Variants in SH3RF1 observed in about 807,000 individuals in gnomAD.
SH3RF1 encodes E3 ubiquitin-protein ligase SH3RF1.
A neutral mutation model predicts 74.0 loss-of-function variants in SH3RF1; 32 were observed. The ratio of observed to expected loss-of-function variants is 0.43; its 90% CI spans 0.33 to 0.58. SH3RF1 has a LOEUF of 0.58. SH3RF1 is among the 20% of genes least tolerant of loss of function. SH3RF1 has a pLI of 0.05. For missense variants in SH3RF1, 954 were observed against 1,130.9 expected (o/e 0.84, Z 2.24); for synonymous variants, 396 against 439.6 (o/e 0.90, Z 1.24).
At chr4:169,164,324 G>C (rs896143127) in intron 2 of SH3RF1, among the ~76,000 whole-genome samples, 1 of 152,146 alleles carries the variant, frequency 6.6e-6, no homozygotes, top group Non-Finnish European at 1.5e-5. Flanking sequence ...GTGTGGATAG[G>C]TTAAGTGGAA....
chr4:169,121,127 G>T, intron 7 of SH3RF1, 138 bp from the exon 8 acceptor site: 1 of 707,462 alleles, frequency 1.4e-6, no homozygotes, highest in Non-Finnish European at 2.3e-6. Flanking sequence ...TCTATAAGTA[G>T]CACTGACAAT....
intron 2 of SH3RF1, among the ~76,000 whole-genome samples, chr4:169,206,767 T>C (rs538510260): frequency 6.6e-6 from 1 of 152,238 alleles, no homozygotes; most frequent in East Asian, 1.9e-4. Context: ...ACATGTAGCG[T>C]TGCATTCATT....
chr4:169,240,718 GA>G (rs1561062196), intron 2 of SH3RF1, among the ~76,000 whole-genome samples: 1 of 152,050 alleles, frequency 6.6e-6, no homozygotes, highest in African/African-American at 2.4e-5. Context: ...GAGAATATTT[GA>G]AATCTACTGG....
Position 169,248,950 on chromosome 4 carries a change from G to A in SH3RF1, c.393+19870C>T, listed in dbSNP as rs532777779. On this transcript the variant is annotated intron_variant, in intron 2 of 11. Coordinates refer to ENST00000284637, the MANE Select transcript of SH3RF1 (RefSeq NM_020870.4). ...GGGCCTTTAAGAGGCAATTAGGGAC[G>A]GGCCCAGTGGCTCACGCCTATAATC... is the stretch of plus-strand genomic sequence containing the variant. 2.6e-5 allele frequency among the ~76,000 whole-genome samples: 4 copies of A among 152,270 alleles called. No homozygotes were observed. The South Asian group carries it at 6.2e-4, about 24-fold the overall frequency.
intron 2 of SH3RF1, among the ~76,000 whole-genome samples, chr4:169,248,966 G>A (rs767471487): frequency 2.6e-5 from 4 of 152,188 alleles, no homozygotes; most frequent in East Asian, 1.9e-4. Flanking sequence ...AGTGGCTCAC[G>A]CCTATAATCC....
intron 10 of SH3RF1, among the ~76,000 whole-genome samples, chr4:169,110,589 A>C (rs1369545436): frequency 6.6e-6 from 1 of 152,046 alleles, no homozygotes; most frequent in Non-Finnish European, 1.5e-5. Flanking sequence ...ACATGATAAG[A>C]CCCTATCTCT....
intron 4 of SH3RF1, among the ~76,000 whole-genome samples, chr4:169,147,900 A>AG (rs1205483467): frequency 6.6e-6 from 1 of 152,190 alleles, no homozygotes; most frequent in African/African-American, 2.4e-5. Context: ...TGCTTATTAA[A>AG]GCTTTAGTTA....
In SH3RF1 at chr4:169,169,112, T is replaced by G. The variant is rs543413253; in HGVS notation, c.394-12433A>C. On this transcript the variant is annotated intron_variant, in intron 2 of 11. Coordinates refer to ENST00000284637, the MANE Select transcript of SH3RF1 (RefSeq NM_020870.4). ...AATACATAATATGTGCATATTACTG[T>G]TACTGTTCTTCAAAGGAGCATTCTT... Among the ~76,000 whole-genome samples, 7 of 152,304 alleles carry G rather than the reference T, an allele frequency of 4.6e-5. No individual in the cohort carries two copies. The South Asian group carries it at 1.5e-3, about 32-fold the overall frequency.
intron 2 of SH3RF1, among the ~76,000 whole-genome samples, chr4:169,265,596 C>T (rs1386669943): frequency 6.6e-6 from 1 of 152,120 alleles, no homozygotes; most frequent in Non-Finnish European, 1.5e-5. Context: ...GCCTTGGCCT[C>T]CTGAGTAGCT....
At chr4:169,155,702 T>G (rs1734038493) in intron 3 of SH3RF1, 127 bp from the exon 4 acceptor site, 2 of 693,004 alleles carry the variant, frequency 2.9e-6, no homozygotes, top group South Asian at 1.8e-5. Flanking sequence ...TGCTATGACA[T>G]ATCTTTAGTA....
intron 2 of SH3RF1, among the ~76,000 whole-genome samples, chr4:169,158,810 A>T (rs922239397): frequency 1.3e-5 from 2 of 152,242 alleles, no homozygotes; most frequent in Non-Finnish European, 1.5e-5. Flanking sequence ...ACAATTTTCA[A>T]AAATTAGTTT....
intron 1 of SH3RF1, among the ~76,000 whole-genome samples, chr4:169,269,540 C>T (rs1731410359): frequency 6.6e-6 from 1 of 152,154 alleles, no homozygotes; most frequent in African/African-American, 2.4e-5. Flanking sequence ...ATTCACTGGG[C>T]AAACACAAGG....
rs182954019 is a variant in SH3RF1, at chr4:169,174,100, G to A, written c.394-17421C>T. On this transcript the variant is annotated intron_variant, in intron 2 of 11. Transcript: ENST00000284637. ...TTTTCTTGAGACAGGGTCTCACTCT[G>A]TCACCCAGGCTAGAGTGCAGTGGCG... 4.5e-3 allele frequency among the ~76,000 whole-genome samples: 677 copies of A among 152,036 alleles called. 6 individuals carry two copies. The highest frequency in any genetic ancestry group is 0.016 in the African/African-American group (647 of 41,450).
At chr4:169,261,082 C>A (rs1259714557) in intron 2 of SH3RF1, among the ~76,000 whole-genome samples, 1 of 152,154 alleles carries the variant, frequency 6.6e-6, no homozygotes, top group African/African-American at 2.4e-5. Context: ...CAAACTCAGC[C>A]CCCTCACCAG....
Position 169,183,764 on chromosome 4 carries a change from C to A in SH3RF1, c.394-27085G>T, listed in dbSNP as rs1163005133. On this transcript the variant is annotated intron_variant, in intron 2 of 11. Coordinates refer to ENST00000284637, the MANE Select transcript of SH3RF1 (RefSeq NM_020870.4). ...TGCTGTCTCTTTAAAAAAAAAAAAA[C>A]AAAACAAAACAGAACAAAAAAAACT... is the stretch of plus-strand genomic sequence containing the variant. Among the ~76,000 whole-genome samples, 232 of 121,600 alleles carry A rather than the reference C, an allele frequency of 1.9e-3. 2 individuals carry two copies. The highest frequency in any genetic ancestry group is 6.8e-3 in the South Asian group (23 of 3,372). 79.8% of individuals were successfully genotyped at this position (121,600 alleles called of 152,430 possible). A position where few individuals can be genotyped will look rare whatever the true frequency, so the allele number is the denominator to read the frequency against.
At chr4:169,251,640 T>C (rs1038778812) in intron 2 of SH3RF1, among the ~76,000 whole-genome samples, 1 of 152,152 alleles carries the variant, frequency 6.6e-6, no homozygotes, top group African/African-American at 2.4e-5. Context: ...TTGTGAGAAA[T>C]GGAATGCACT....
chr4:169,229,976 C>A (rs534432914), intron 2 of SH3RF1, among the ~76,000 whole-genome samples: 4 of 146,428 alleles, frequency 2.7e-5, no homozygotes, highest in Non-Finnish European at 6.0e-5. Flanking sequence ...GAGGTGGAGA[C>A]GGGTGGATCA....
intron 8 of SH3RF1, among the ~76,000 whole-genome samples, chr4:169,119,932 C>T (rs1196378293): frequency 1.3e-5 from 2 of 152,172 alleles, no homozygotes; most frequent in Admixed American, 1.3e-4. Context: ...AGGCTTCTTT[C>T]CTCAGTGACC....
chr4:169,103,368 A>C (rs1733075099), intron 11 of SH3RF1, among the ~76,000 whole-genome samples: 1 of 152,160 alleles, frequency 6.6e-6, no homozygotes, highest in African/African-American at 2.4e-5. Context: ...TACTTCTGTG[A>C]AATTCTACCA....
Sources: gnomAD v4.1 joint callset for allele counts (sites outside exome capture counted in the v4.1 genomes callset) on GRCh38, gnomAD v4.1.1 for gene constraint, MANE v1.5 for transcripts, NCBI Gene and HGNC (gene_info 2026-07-23, HGNC 2026-07-21) for gene names.